The following LNPEP variants were observed in gnomAD, a reference collection of about 807,000 sequenced individuals.
The protein encoded by LNPEP is leucyl-cystinyl aminopeptidase.
LNPEP carries 64 observed loss-of-function variants against 120.6 expected under a neutral mutation model. The observed-to-expected ratio is 0.53, with a 90% CI of 0.43 to 0.65. LNPEP has a LOEUF of 0.65. Among genes scored for constraint, LNPEP ranks in the 30% least tolerant of loss-of-function variants. The probability of loss-of-function intolerance (pLI) is 0.00; values close to 1 mark genes in which losing one functional copy is unlikely to be tolerated. For missense variants in LNPEP, 1,057 were observed against 1,200.0 expected, an observed-to-expected ratio of 0.88 and a Z score of 1.76; for synonymous variants, 435 against 425.4, an observed-to-expected ratio of 1.02 and a Z score of -0.28.
At chr5:96,992,990 C>T in intron 4 of LNPEP, 25 bp from the exon 5 acceptor site, 7 of 1,537,734 alleles carry the variant, frequency 4.6e-6, no homozygotes, top group Non-Finnish European at 6.2e-6. Context: ...CCTGTCCTTG[C>T]ATCATACATA....
chr5:97,006,826 C>T (rs1174210708), intron 11 of LNPEP, among the ~76,000 whole-genome samples: 3 of 152,156 alleles, frequency 2.0e-5, no homozygotes, highest in African/African-American at 7.2e-5. Context: ...TTAAAGTATC[C>T]TCTGCTATCT....
At position 96,984,997 on chromosome 5, in the gene LNPEP, C is replaced by G. The variant is rs981795661; in HGVS notation, c.861-83C>G. 1.4e-5 allele frequency: 20 copies of G among 1,416,076 alleles called. No individual in the cohort carries two copies. The African/African-American group carries it at 2.9e-4, about 20-fold the overall frequency. The allele number at this position is 1,416,076 out of a possible 1,614,324, so 87.7% of individuals were successfully genotyped here. On this transcript the variant is annotated intron_variant, in intron 2 of 17. Transcript: ENST00000231368. Reference sequence around the variant, plus strand: ...GATCCTTTAGTAACTAGGATTGTAACATATTTATCTTAGTATACTTGGCAG... The same window carrying G: ...GATCCTTTAGTAACTAGGATTGTAAGATATTTATCTTAGTATACTTGGCAG...
chr5:97,025,342 G>A (rs1791313368), intron 15 of LNPEP, among the ~76,000 whole-genome samples: 1 of 152,194 alleles, frequency 6.6e-6, no homozygotes, highest in South Asian at 2.1e-4. Flanking sequence ...ATTTTGCTCA[G>A]ATAAATCTTA....
In LNPEP at chr5:97,014,965, C is replaced by T; in HGVS notation, c.2246C>T (p.Ala749Val). ...AGLGKVPLKR[A>V]FDLINYLGNE... ...CTAGGCAAGGTACCTCTCAAGAGGGCCTTTGATTTGATTAATTATCTTGGA... is the reference window on the plus strand; with the variant it reads ...CTAGGCAAGGTACCTCTCAAGAGGGTCTTTGATTTGATTAATTATCTTGGA... The change falls in exon 13 of 18, where the codon GCC (alanine) becomes GTC (valine). Residue 749 changes from alanine to valine, a missense_variant. Ala to Val is a moderately conservative substitution (Grantham distance 64). Coordinates refer to ENST00000231368, the MANE Select transcript of LNPEP (RefSeq NM_005575.3). 6.3e-7 allele frequency: 1 copy of T among 1,583,094 alleles called. No individual in the cohort carries two copies.
chr5:97,018,560 C>T (rs558767148), intron 13 of LNPEP, among the ~76,000 whole-genome samples: 1 of 152,216 alleles, frequency 6.6e-6, no homozygotes, highest in African/African-American at 2.4e-5. Flanking sequence ...GCCCAGTTAA[C>T]TTTAGCTCAC....
chr5:97,028,158 A>G (rs1791391235), intron 17 of LNPEP, among the ~76,000 whole-genome samples: 1 of 152,208 alleles, frequency 6.6e-6, no homozygotes, highest in South Asian at 2.1e-4. Flanking sequence ...CCTTGGTTCC[A>G]TTTTAAGTTA....
At chr5:96,964,112 CTT>C (rs576740543) in intron 1 of LNPEP, among the ~76,000 whole-genome samples, 2 of 143,832 alleles carry the variant, frequency 1.4e-5, no homozygotes, top group Non-Finnish European at 1.5e-5. Flanking sequence ...TTGATATCAA[CTT>C]TTTTTTTTTT....
At chr5:96,954,768 A>ATTT (rs1581981619) in intron 1 of LNPEP, among the ~76,000 whole-genome samples, 3 of 36,096 alleles carry the variant, frequency 8.3e-5, no homozygotes, top group African/African-American at 2.0e-4. Context: ...ATATATATAT[A>ATTT]TATATTTTTT....
chr5:97,023,804 A>G (rs1045511199), intron 14 of LNPEP, among the ~76,000 whole-genome samples: 1 of 152,178 alleles, frequency 6.6e-6, no homozygotes, highest in African/African-American at 2.4e-5. Context: ...AGGAACTGCC[A>G]TATTGTTTTC....
In LNPEP at chr5:97,029,976, C is replaced by T. The variant is rs1398970473; in HGVS notation, c.*1443C>T. 6.6e-6 allele frequency: 1 copy of T among 151,966 alleles called. No homozygotes were observed. 9.4% of individuals were successfully genotyped at this position (151,966 alleles called of 1,614,324 possible). On this transcript the variant is annotated 3_prime_UTR_variant, in exon 18 of 18. Transcript: ENST00000231368. The stretch of plus-strand genomic sequence containing the variant: ...TTTATATTTTGTTTGAAAACAGTTT[C>T]TATGTACATAAAAAGGGTATTTACC...
At chr5:96,948,797 T>G (rs1581976568) in intron 1 of LNPEP, among the ~76,000 whole-genome samples, 1 of 152,300 alleles carries the variant, frequency 6.6e-6, no homozygotes, top group East Asian at 1.9e-4. Context: ...TTTGTAGCTT[T>G]TTTTCTTTTT....
intron 6 of LNPEP, 128 bp from the exon 7 acceptor site, chr5:96,996,262 T>TAGTATC: frequency 1.8e-6 from 1 of 547,416 alleles, no homozygotes; most frequent in South Asian, 2.9e-5. Context: ...GTTTTAACTA[T>TAGTATC]AGTATCAGTA....
Position 96,957,042 on chromosome 5 carries a change from A to G in LNPEP, c.19+20868A>G, listed in dbSNP as rs762183240. Among the ~76,000 whole-genome samples the G allele has an allele frequency of 3.3e-5, 5 of 151,968 alleles. 1 individual carries two copies. Among genetic ancestry groups the G allele is most frequent in the South Asian group, 4.2e-4 (2 of 4,818 alleles). The stretch of plus-strand genomic sequence containing the variant: ...AATTTTTACTTTCTTGTTTATTTCA[A>G]TATGTTCTTCTTTACCTCGTGGAGC... On this transcript the variant is annotated intron_variant, in intron 1 of 17. Transcript: ENST00000231368.
intron 4 of LNPEP, among the ~76,000 whole-genome samples, chr5:96,990,287 C>T (rs1163714411): frequency 2.0e-5 from 3 of 152,078 alleles, no homozygotes; most frequent in South Asian, 4.1e-4. Context: ...AGCTTGTAGG[C>T]GGTGACTGAA....
intron 6 of LNPEP, 69 bp from the exon 7 acceptor site, chr5:96,996,321 C>A (rs1355402912): frequency 6.0e-6 from 5 of 837,214 alleles, no homozygotes; most frequent in South Asian, 1.4e-5. Context: ...TATGACACTT[C>A]AGCCAATTAT....
intron 1 of LNPEP, among the ~76,000 whole-genome samples, chr5:96,962,099 G>A (rs1789620361): frequency 6.6e-6 from 1 of 152,128 alleles, no homozygotes; most frequent in African/African-American, 2.4e-5. Flanking sequence ...AGAATTTGTG[G>A]TACTATCCTA....
chr5:96,993,702 G>A, intron 5 of LNPEP, 115 bp from the exon 6 acceptor site: 1 of 962,218 alleles, frequency 1.0e-6, no homozygotes, highest in South Asian at 1.6e-5. Context: ...TCCATTTATT[G>A]TGAGTATAAA....
chr5:96,943,057 ATGGTAT>A (rs1265154579), intron 1 of LNPEP: 2 of 261,126 alleles, frequency 7.7e-6, no homozygotes, highest in Non-Finnish European at 1.5e-5. Context: ...GTTCTGAGAC[ATGGTAT>A]TGTTTCCAGA....
Position 97,029,406 on chromosome 5 carries a change from T to TA in LNPEP, c.*875dup, listed in dbSNP as rs1402045854. Reference sequence around the variant, plus strand: ...TCTACATTCGTGGCAAGCATTTTGGTAACACCAGTGGTTTTCATTGTGACT... The same window carrying TA: ...TCTACATTCGTGGCAAGCATTTTGGTAAACACCAGTGGTTTTCATTGTGACT... On this transcript the variant is annotated 3_prime_UTR_variant, in exon 18 of 18. Transcript: ENST00000231368. 6.6e-6 allele frequency: 1 copy of TA among 152,362 alleles called. No individual in the cohort carries two copies. Among genetic ancestry groups the TA allele is most frequent in the Non-Finnish European group, 1.5e-5 (1 of 68,042 alleles). 9.4% of individuals were successfully genotyped at this position (152,362 alleles called of 1,614,324 possible). A position where few individuals can be genotyped will look rare whatever the true frequency, so the allele number is the denominator to read the frequency against.
Sources: gnomAD v4.1 joint callset for allele counts (sites outside exome capture counted in the v4.1 genomes callset) on GRCh38, gnomAD v4.1.1 for gene constraint, MANE v1.5 for transcripts, NCBI Gene and HGNC (gene_info 2026-07-23, HGNC 2026-07-21) for gene names.